The following PFDN1 variants were observed in gnomAD, a reference collection of about 807,000 sequenced individuals.
The protein encoded by PFDN1 is prefoldin 1.
A neutral mutation model predicts 17.3 loss-of-function variants in PFDN1; 6 were observed. The observed-to-expected ratio is 0.35, with a 90% CI of 0.19 to 0.69. PFDN1 has a LOEUF of 0.69. Among genes scored for constraint, PFDN1 ranks in the 30% least tolerant of loss-of-function variants. PFDN1 has a pLI of 0.65. For missense variants in PFDN1, 113 were observed against 146.2 expected (o/e 0.77, Z 1.17); for synonymous variants, 58 against 50.1 (o/e 1.16, Z -0.67).
intron 2 of PFDN1, among the ~76,000 whole-genome samples, chr5:140,286,411 C>CAA (rs70988742): frequency 4.8e-5 from 4 of 83,512 alleles, no homozygotes; most frequent in African/African-American, 5.1e-5. Context: ...GACTCTGTCT[C>CAA]AAAAAAAAAA....
chr5:140,293,151 A>T (rs946017777), intron 2 of PFDN1: 3 of 152,070 alleles, frequency 2.0e-5, no homozygotes, highest in Admixed American at 6.6e-5. Context: ...ACAGTTCAAG[A>T]CTGCTGCTAC....
chr5:140,278,978 C>T (rs1765347001), intron 3 of PFDN1, among the ~76,000 whole-genome samples: 1 of 151,386 alleles, frequency 6.6e-6, no homozygotes, highest in African/African-American at 2.4e-5. Context: ...ATATTAAATG[C>T]TGAAATAAGG....
chr5:140,247,391 C>T (rs1250585231), intron 3 of PFDN1, among the ~76,000 whole-genome samples: 1 of 152,006 alleles, frequency 6.6e-6, no homozygotes, highest in African/African-American at 2.4e-5. Context: ...CCTCCCTCCT[C>T]GGTCTCCCAA....
intron 3 of PFDN1, among the ~76,000 whole-genome samples, chr5:140,247,287 C>CTAA (rs1248502319): frequency 6.6e-6 from 1 of 151,110 alleles, no homozygotes; most frequent in Non-Finnish European, 1.5e-5. Context: ...CCATGCCCGG[C>CTAA]TAATTTTTTT....
intron 2 of PFDN1, among the ~76,000 whole-genome samples, chr5:140,287,048 A>G (rs1765506529): frequency 6.6e-6 from 1 of 152,226 alleles, no homozygotes; most frequent in African/African-American, 2.4e-5. Context: ...AATGTAAGTT[A>G]TTATAAATAT....
intron 3 of PFDN1, among the ~76,000 whole-genome samples, chr5:140,258,486 T>G (rs1370727112): frequency 7.0e-6 from 1 of 143,350 alleles, no homozygotes; most frequent in Non-Finnish European, 1.5e-5. Context: ...GATTAGAGAA[T>G]ACACGCGTGA....
Position 140,245,300 on chromosome 5 carries a change from T to G in PFDN1, c.*674A>C. The G allele has an allele frequency of 1.7e-6, 1 of 601,268 alleles. No homozygotes were observed. The highest frequency in any genetic ancestry group is 2.6e-5 in the Admixed American group (1 of 37,966). 37.2% of individuals were successfully genotyped at this position (601,268 alleles called of 1,614,324 possible). On this transcript the variant is annotated 3_prime_UTR_variant, in exon 4 of 4. Coordinates refer to ENST00000261813, the MANE Select transcript of PFDN1 (RefSeq NM_002622.5). Reference sequence around the variant, plus strand: ...GATATTGGCCAAAAGGAGACAGTCTTGGAGGTGCTGCTTACTGTTGAACTT... The same window carrying G: ...GATATTGGCCAAAAGGAGACAGTCTGGGAGGTGCTGCTTACTGTTGAACTT...
At chr5:140,258,087 AG>A (rs1765012822) in intron 3 of PFDN1, among the ~76,000 whole-genome samples, 1 of 152,198 alleles carries the variant, frequency 6.6e-6, no homozygotes, top group Non-Finnish European at 1.5e-5. Context: ...GAGGCTGGTG[AG>A]GCTGAGTCAG....
intron 2 of PFDN1, among the ~76,000 whole-genome samples, chr5:140,284,916 C>T (rs1765461790): frequency 6.6e-6 from 1 of 152,160 alleles, no homozygotes; most frequent in Admixed American, 6.5e-5. Flanking sequence ...CTGAGACTTT[C>T]GGTTTTGATT....
chr5:140,273,931 C>T lies in PFDN1; in HGVS notation c.285+7518G>A, dbSNP rs553472670. 33 of 982,526 alleles carry T rather than the reference C, an allele frequency of 3.4e-5. No individual in the cohort carries two copies. The South Asian group carries it at 1.2e-3, about 35-fold the overall frequency. The allele number at this position is 982,526 out of a possible 1,614,324, so 60.9% of individuals were successfully genotyped here. ...ACTTTAGGTTGAAGCAGTAACTGGC[C>T]TCCACCTGGAACAAAAAAAACATAA... On this transcript the variant is annotated intron_variant, in intron 3 of 3. Coordinates refer to ENST00000261813, the MANE Select transcript of PFDN1 (RefSeq NM_002622.5).
At chr5:140,291,210 G>T (rs979874420) in intron 2 of PFDN1, among the ~76,000 whole-genome samples, 1 of 152,132 alleles carries the variant, frequency 6.6e-6, no homozygotes, top group African/African-American at 2.4e-5. Context: ...GACTATAAAG[G>T]GTTAAGGACA....
intron 3 of PFDN1, among the ~76,000 whole-genome samples, chr5:140,257,065 T>TA (rs1005209943): frequency 4.6e-5 from 7 of 151,244 alleles, no homozygotes; most frequent in South Asian, 2.1e-4. Context: ...CTACTAAAAA[T>TA]AAAAAAAATT....
At chr5:140,295,904 G>A (rs535723059) in intron 2 of PFDN1, among the ~76,000 whole-genome samples, 1 of 151,864 alleles carries the variant, frequency 6.6e-6, no homozygotes, top group East Asian at 1.9e-4. Context: ...AGGTAAAATG[G>A]ATAAAAATAC....
intron 2 of PFDN1, among the ~76,000 whole-genome samples, chr5:140,295,380 G>A (rs984334586): frequency 6.6e-6 from 1 of 152,056 alleles, no homozygotes; most frequent in African/African-American, 2.4e-5. Context: ...ATATATACAA[G>A]AAATATTCAC....
intron 2 of PFDN1, among the ~76,000 whole-genome samples, chr5:140,296,586 G>A (rs1186284862): frequency 3.3e-5 from 5 of 152,160 alleles, no homozygotes; most frequent in Non-Finnish European, 7.3e-5. Flanking sequence ...AAGGAAAAGA[G>A]GAATATTGCC....
At chr5:140,276,015 TTGATGATGATGATGATGA>T (rs57224353) in intron 3 of PFDN1, among the ~76,000 whole-genome samples, 12 of 149,370 alleles carry the variant, frequency 8.0e-5, no homozygotes, top group South Asian at 2.2e-4. Context: ...AGAAGAGAAA[TTGATGATGATGATGATGA>T]TGATGATGAT....
chr5:140,301,303 G>A (rs1416898406), intron 1 of PFDN1, among the ~76,000 whole-genome samples: 9 of 152,170 alleles, frequency 5.9e-5, no homozygotes, highest in Admixed American at 5.9e-4. Flanking sequence ...GCAAAGCACT[G>A]GCAAAAGAAT....
At chr5:140,263,779 T>C (rs546181881) in intron 3 of PFDN1, among the ~76,000 whole-genome samples, 1 of 151,890 alleles carries the variant, frequency 6.6e-6, no homozygotes, top group South Asian at 2.1e-4. Context: ...CCCAGCACTT[T>C]GGGAGGCTGA....
intron 3 of PFDN1, among the ~76,000 whole-genome samples, chr5:140,256,840 TC>T (rs1005568892): frequency 1.3e-5 from 2 of 152,036 alleles, no homozygotes; most frequent in African/African-American, 4.8e-5. Context: ...ACCACTGCCC[TC>T]GTCCTAGTCC....
Sources: allele counts gnomAD v4.1 joint callset (sites outside exome capture counted in the v4.1 genomes callset), GRCh38; gene constraint gnomAD v4.1.1; transcripts MANE v1.5; gene names NCBI Gene and HGNC (gene_info 2026-07-23, HGNC 2026-07-21).